NTRK2: variants seen among roughly 807,000 people sequenced by gnomAD.
NTRK2 encodes the protein neurotrophic receptor tyrosine kinase 2.
Under a neutral mutation model 94.5 loss-of-function variants are expected in NTRK2, and 13 were observed. The ratio of observed to expected loss-of-function variants is 0.14; its 90% CI spans 0.09 to 0.22. The LOEUF is 0.22. Ranked by LOEUF, NTRK2 falls within the 10% of genes least tolerant of loss-of-function variation. NTRK2 has a pLI of 1.00. For missense variants in NTRK2, 639 were observed against 1,071.2 expected, an observed-to-expected ratio of 0.60 and a Z score of 5.63; for synonymous variants, 372 against 407.4, an observed-to-expected ratio of 0.91 and a Z score of 1.05.
chr9:84,998,344 G>A (rs1386055408), intron 17 of NTRK2, among the ~76,000 whole-genome samples: 1 of 152,174 alleles, frequency 6.6e-6, no homozygotes. Flanking sequence ...CAGTCTCAGA[G>A]ACCAGCTTTG....
intron 9 of NTRK2, among the ~76,000 whole-genome samples, chr9:84,735,549 A>G (rs1032356614): frequency 1.7e-4 from 26 of 152,242 alleles, no homozygotes; most frequent in Non-Finnish European, 1.5e-5. Flanking sequence ...TAATAACAAT[A>G]CAAATATAGA....
intron 2 of NTRK2, among the ~76,000 whole-genome samples, chr9:84,690,726 A>G (rs888109452): frequency 2.0e-5 from 3 of 151,986 alleles, no homozygotes; most frequent in African/African-American, 4.8e-5. Flanking sequence ...CTCAAAAAAA[A>G]AAATAAAAAA....
chr9:84,811,126 TA>T, intron 12 of NTRK2: 1 of 1,066,990 alleles, frequency 9.4e-7, no homozygotes, highest in Non-Finnish European at 1.1e-6. Context: ...ACACAGTGAC[TA>T]AAAGAGTTAA....
chr9:84,999,198 T>G lies in NTRK2; in HGVS notation c.2173-21008T>G, dbSNP rs964543156. 4.4e-5 allele frequency among the ~76,000 whole-genome samples: 3 copies of G among 68,814 alleles called. No individual in the cohort carries two copies. In the South Asian group the frequency reaches 1.3e-3, roughly 29 times the overall value. 45.1% of individuals were successfully genotyped at this position (68,814 alleles called of 152,430 possible). The stretch of plus-strand genomic sequence containing the variant: ...TTTATCCCTCTCCCACTGAACGTAC[T>G]TTTGGTGGCCCCAAATTAGAGTTTT... On this transcript the variant is annotated intron_variant, in intron 17 of 18. Coordinates refer to ENST00000277120, the MANE Select transcript of NTRK2 (RefSeq NM_006180.6).
rs537375418 is a variant in NTRK2, at chr9:84,796,748, T to C, written c.1396+44663T>C. On this transcript the variant is annotated intron_variant, in intron 12 of 18. Transcript: ENST00000277120. ...ATGAACAAAGGAATTTCTAAATTAATGACTAGTGGAAACAAGATGGGTGGT... is the reference window on the plus strand; with the variant it reads ...ATGAACAAAGGAATTTCTAAATTAACGACTAGTGGAAACAAGATGGGTGGT... Among the ~76,000 whole-genome samples the C allele has an allele frequency of 1.6e-4, 25 of 152,330 alleles. No individual in the cohort carries two copies. In the East Asian group the frequency reaches 4.8e-3, roughly 29 times the overall value.
chr9:84,914,794 C>T (rs185018743), intron 14 of NTRK2, among the ~76,000 whole-genome samples: 2 of 152,202 alleles, frequency 1.3e-5, no homozygotes, highest in African/African-American at 2.4e-5. Context: ...TGGGGACATA[C>T]GAAGCAAAAA....
At chr9:84,742,077 A>T (rs969262082) in intron 10 of NTRK2, 150 bp downstream of exon 10, 3 of 713,910 alleles carry the variant, frequency 4.2e-6, no homozygotes, top group African/African-American at 1.8e-5. Context: ...AAATCATTCA[A>T]TATTGATGGC....
intron 6 of NTRK2, among the ~76,000 whole-genome samples, chr9:84,711,090 C>T (rs1423522103): frequency 1.3e-5 from 2 of 152,152 alleles, no homozygotes; most frequent in Non-Finnish European, 2.9e-5. Context: ...TCCATTTATC[C>T]ACCCATCCAT....
At chr9:84,780,592 T>TA (rs1260014679) in intron 12 of NTRK2, among the ~76,000 whole-genome samples, 3 of 152,162 alleles carry the variant, frequency 2.0e-5, no homozygotes, top group African/African-American at 7.2e-5. Flanking sequence ...CTTAGGGGAA[T>TA]ACCAAGGTCC....
chr9:84,774,846 C>T (rs1180492211), intron 12 of NTRK2, among the ~76,000 whole-genome samples: 3 of 152,046 alleles, frequency 2.0e-5, no homozygotes, highest in Admixed American at 6.5e-5. Flanking sequence ...ACCTTACTGT[C>T]TCCCCAGTTG....
chr9:84,774,850 C>A (rs1439235625), intron 12 of NTRK2, among the ~76,000 whole-genome samples: 4 of 151,950 alleles, frequency 2.6e-5, no homozygotes, highest in African/African-American at 9.7e-5. Context: ...TACTGTCTCC[C>A]CAGTTGTAAT....
rs1365735756 is a variant in NTRK2 at position 85,023,091 on chromosome 9, A to G, written c.*1654A>G. On this transcript the variant is annotated 3_prime_UTR_variant, in exon 19 of 19. Coordinates refer to ENST00000277120, the MANE Select transcript of NTRK2 (RefSeq NM_006180.6). ...CATGCCAACGGGAGGCTGTGCCCAGACCAAGCACTGGAAGTGTGCTTCTAG... is the reference window on the plus strand; with the variant it reads ...CATGCCAACGGGAGGCTGTGCCCAGGCCAAGCACTGGAAGTGTGCTTCTAG... 1.7e-5 allele frequency: 4 copies of G among 233,036 alleles called. No homozygotes were observed. In the Admixed American group the frequency reaches 2.2e-4, roughly 13 times the overall value. 14.4% of individuals were successfully genotyped at this position (233,036 alleles called of 1,614,324 possible). A position where few individuals can be genotyped will look rare whatever the true frequency, so the allele number is the denominator to read the frequency against.
At chr9:84,967,518 T>A (rs1825695099) in intron 17 of NTRK2, among the ~76,000 whole-genome samples, 1 of 152,268 alleles carries the variant, frequency 6.6e-6, no homozygotes, top group Non-Finnish European at 1.5e-5. Flanking sequence ...ATCCGAACAC[T>A]GAAATGGAAC....
At chr9:84,934,864 G>A (rs533355952) in intron 15 of NTRK2, among the ~76,000 whole-genome samples, 50 of 152,228 alleles carry the variant, frequency 3.3e-4, no homozygotes, top group African/African-American at 1.1e-3. Context: ...AGACATAGTG[G>A]TTTTACTAAA....
chr9:84,883,937 T>A (rs2076339370), intron 14 of NTRK2, among the ~76,000 whole-genome samples: 1 of 152,230 alleles, frequency 6.6e-6, no homozygotes, highest in Non-Finnish European at 1.5e-5. Flanking sequence ...ATTATCAGAA[T>A]GTTAGTTGTA....
At chr9:84,987,801 G>A (rs1828514526) in intron 17 of NTRK2, among the ~76,000 whole-genome samples, 1 of 152,108 alleles carries the variant, frequency 6.6e-6, no homozygotes. Context: ...TAGAACTTCT[G>A]AACTTTTATT....
At chr9:84,926,783 G>A (rs1324039570) in intron 14 of NTRK2, among the ~76,000 whole-genome samples, 3 of 152,206 alleles carry the variant, frequency 2.0e-5, no homozygotes, top group Non-Finnish European at 4.4e-5. Context: ...AGGCTCAGCA[G>A]TGGATTGGGG....
intron 12 of NTRK2, among the ~76,000 whole-genome samples, chr9:84,794,955 C>T (rs1325482846): frequency 6.6e-6 from 1 of 152,124 alleles, no homozygotes; most frequent in Non-Finnish European, 1.5e-5. Flanking sequence ...ACTGAAACTC[C>T]TCCCTAGCCT....
chr9:84,676,853 C>G (rs2059089336), intron 2 of NTRK2, among the ~76,000 whole-genome samples: 3 of 152,192 alleles, frequency 2.0e-5, no homozygotes, highest in Non-Finnish European at 2.9e-5. Flanking sequence ...AAACTCATCT[C>G]TGTGAGAGAC....
Sources: gnomAD v4.1 joint callset for allele counts (sites outside exome capture counted in the v4.1 genomes callset) on GRCh38, gnomAD v4.1.1 for gene constraint, MANE v1.5 for transcripts, NCBI Gene and HGNC (gene_info 2026-07-23, HGNC 2026-07-21) for gene names.